The following BANP variants were observed in gnomAD, a reference collection of about 807,000 sequenced individuals.
BANP encodes BTG3 associated nuclear protein, also known as protein BANP.
BANP carries 11 observed loss-of-function variants against 68.1 expected under a neutral mutation model. The observed-to-expected ratio is 0.16, with a 90% confidence interval of 0.10 to 0.27. The LOEUF is 0.27. Ranked by LOEUF, BANP falls within the 10% of genes least tolerant of loss-of-function variation. The pLI, the probability that BANP is intolerant of heterozygous loss-of-function variation, is 1.00. For synonymous variants in BANP, 329 were observed against 303.2 expected (o/e 1.09, Z -0.88); for missense variants, 504 against 722.7 (o/e 0.70, Z 3.47).
intron 1 of BANP, among the ~76,000 whole-genome samples, chr16:87,952,908 C>T (rs1311070476): frequency 2.0e-5 from 3 of 152,112 alleles, no homozygotes; most frequent in African/African-American, 4.8e-5. Context: ...CTGAGTAGCT[C>T]GGACCACAGA....
intron 6 of BANP, chr16:88,017,545 C>T (rs532134807): frequency 6.6e-6 from 1 of 152,444 alleles, no homozygotes; most frequent in South Asian, 2.1e-4. Context: ...GAGAAGGAAT[C>T]CGTGGTTCAG....
intron 6 of BANP, among the ~76,000 whole-genome samples, chr16:88,016,604 A>G (rs1185837194): frequency 6.6e-6 from 1 of 152,178 alleles, no homozygotes; most frequent in East Asian, 1.9e-4. Flanking sequence ...TCCCGTAAGG[A>G]TTCGTAGATA....
intron 8 of BANP, among the ~76,000 whole-genome samples, chr16:88,029,543 G>A (rs768010002): frequency 3.3e-5 from 5 of 150,850 alleles, no homozygotes; most frequent in South Asian, 4.2e-4. Context: ...CCTGGGAGGC[G>A]GAGCTTGCAG....
At chr16:88,040,815 C>A (rs1453758069) in intron 11 of BANP, among the ~76,000 whole-genome samples, 3 of 152,248 alleles carry the variant, frequency 2.0e-5, no homozygotes, top group South Asian at 4.1e-4. Flanking sequence ...GGGCGAGGAA[C>A]AGCACCCCAA....
chr16:87,992,790 C>CA (rs67037373), intron 4 of BANP, among the ~76,000 whole-genome samples: 57,397 of 136,300 alleles, frequency 0.42, 11,893 homozygotes, highest in Non-Finnish European at 0.48. Context: ...TGAGACTCCT[C>CA]AAAAAAAAAA....
intron 9 of BANP, among the ~76,000 whole-genome samples, chr16:88,034,060 T>C (rs4843775): frequency 2.0e-5 from 3 of 152,028 alleles, no homozygotes; most frequent in African/African-American, 7.3e-5. Context: ...CCTGGAAACA[T>C]GGTCCTCCAC....
intron 8 of BANP, among the ~76,000 whole-genome samples, chr16:88,032,270 C>T (rs375575300): frequency 3.6e-4 from 55 of 151,878 alleles, no homozygotes; most frequent in South Asian, 1.3e-3. Context: ...GGTGCCATTT[C>T]GACTCATTAC....
intron 1 of BANP, among the ~76,000 whole-genome samples, chr16:87,955,663 T>C (rs2057896027): frequency 6.6e-6 from 1 of 151,928 alleles, no homozygotes; most frequent in Admixed American, 6.6e-5. Flanking sequence ...AGTCACAAAG[T>C]ATCTCCCCCA....
intron 11 of BANP, among the ~76,000 whole-genome samples, chr16:88,056,627 G>T (rs1158810224): frequency 6.6e-6 from 1 of 152,158 alleles, no homozygotes; most frequent in Admixed American, 6.5e-5. Flanking sequence ...CTCTGGTCAC[G>T]CTTCACGCTG....
Position 88,036,668 on chromosome 16 carries a change from G to A in BANP, c.1272+1274G>A, listed in dbSNP as rs976594811. ...GGAGGAACGAATTCATGTGGGGGCCGTGAGCGACTGGGAATGAGTGGGCTC... is the reference window on the plus strand; with the variant it reads ...GGAGGAACGAATTCATGTGGGGGCCATGAGCGACTGGGAATGAGTGGGCTC... On this transcript the variant is annotated intron_variant, in intron 10 of 13. Coordinates refer to ENST00000682872, the MANE Select transcript of BANP (RefSeq NM_001386991.1). The surrounding 1 kb of genome is among the most constrained non-coding windows in gnomAD (Gnocchi z 4.2). Among the ~76,000 whole-genome samples the A allele has an allele frequency of 4.6e-5, 7 of 152,304 alleles. No homozygotes were observed. The highest frequency in any genetic ancestry group is 1.9e-4 in the East Asian group (1 of 5,184).
intron 4 of BANP, among the ~76,000 whole-genome samples, chr16:87,987,230 C>T (rs2064670447): frequency 6.6e-6 from 1 of 152,042 alleles, no homozygotes; most frequent in African/African-American, 2.4e-5. Context: ...AGGCATGCAC[C>T]ACGCCGCCTA....
intron 11 of BANP, among the ~76,000 whole-genome samples, chr16:88,048,501 G>A (rs1446966593): frequency 6.6e-6 from 1 of 151,898 alleles, no homozygotes; most frequent in African/African-American, 2.4e-5. Context: ...TATCGAGTCG[G>A]CGCTCACCAC....
chr16:87,999,370 A>G (rs1175820867), intron 4 of BANP, among the ~76,000 whole-genome samples: 59 of 136,494 alleles, frequency 4.3e-4, no homozygotes, highest in Middle Eastern at 4.4e-3. Context: ...CCTTCCAGAC[A>G]CGTCTCCATG....
intron 11 of BANP, among the ~76,000 whole-genome samples, chr16:88,042,310 C>T (rs1398126047): frequency 6.6e-6 from 1 of 152,192 alleles, no homozygotes; most frequent in Admixed American, 6.5e-5. Context: ...GTGGCGGGTG[C>T]GCAGGTGTGG....
At chr16:88,011,613 T>C (rs6540138) in intron 6 of BANP, among the ~76,000 whole-genome samples, 142,250 of 152,106 alleles carry the variant, frequency 0.94, 67,281 homozygotes, top group East Asian at 1. Flanking sequence ...TGGTAGTGTT[T>C]AGTTTGTAAA....
At chr16:88,069,406 A>G (rs951355964) in intron 12 of BANP, among the ~76,000 whole-genome samples, 2 of 152,218 alleles carry the variant, frequency 1.3e-5, no homozygotes, top group Non-Finnish European at 2.9e-5. Flanking sequence ...TGTATCTTCT[A>G]AGGACTTTGA....
chr16:87,978,412 G>A, intron 2 of BANP: 1 of 346,700 alleles, frequency 2.9e-6, no homozygotes, highest in South Asian at 2.1e-5. Flanking sequence ...AGAGTAATGA[G>A]TACGAGGGTC....
Position 88,076,634 on chromosome 16 carries a change from C to A in BANP, c.1566C>A (p.Leu522=), listed in dbSNP as rs763580957. ...CCACGCTACAGCCGGAGATGCAGCT[C>A]GAGCACGGGGCCATCCAGATTCAGT... The part of the protein sequence containing the change: ...LQPTLQPEMQ[L]EHGAIQIQ The change falls in exon 14 of 14, where the codon CTC becomes CTA. Residue 522 remains leucine (L), a synonymous_variant. Coordinates refer to ENST00000682872, the MANE Select transcript of BANP (RefSeq NM_001386991.1). The A allele has an allele frequency of 1.9e-6, 3 of 1,610,854 alleles. No homozygotes were observed. The highest frequency in any genetic ancestry group is 1.7e-6 in the Non-Finnish European group (2 of 1,179,674).
intron 11 of BANP, among the ~76,000 whole-genome samples, chr16:88,049,745 C>A (rs2082820691): frequency 6.6e-6 from 1 of 152,136 alleles, no homozygotes; most frequent in South Asian, 2.1e-4. Context: ...GGGGAGATGG[C>A]TGGACTCAGG....
Sources: allele counts gnomAD v4.1 joint callset (sites outside exome capture counted in the v4.1 genomes callset), GRCh38; gene constraint gnomAD v4.1.1; non-coding constraint Gnocchi (gnomAD v3.1); transcripts MANE v1.5; gene names NCBI Gene and HGNC (gene_info 2026-07-23, HGNC 2026-07-21).